Variants in PRRC1 observed in about 807,000 individuals in gnomAD.
PRRC1 encodes protein PRRC1.
PRRC1 carries 39 observed loss-of-function variants against 40.7 expected under a neutral mutation model. The observed-to-expected ratio is 0.96, with a 90% confidence interval of 0.74 to 1.25. PRRC1 has a LOEUF of 1.25. Among genes scored for constraint, PRRC1 ranks in the 50% most tolerant of loss-of-function variants. PRRC1 has a pLI of 0.00. For synonymous variants in PRRC1, 175 were observed against 193.3 expected, an observed-to-expected ratio of 0.91 and a Z score of 0.79; for missense variants, 573 against 548.3, an observed-to-expected ratio of 1.05 and a Z score of -0.45.
chr5:127,548,684 A>G (rs944410319), intron 8 of PRRC1: 7 of 152,076 alleles, frequency 4.6e-5, no homozygotes, highest in African/African-American at 1.4e-4. Context: ...AATCTAAGAA[A>G]ACTATTGGGC....
chr5:127,551,831 G>A lies in PRRC1; in HGVS notation c.1253G>A (p.Gly418Glu), dbSNP rs374916064. The A allele has an allele frequency of 1.5e-5, 24 of 1,614,066 alleles. No homozygotes were observed. The highest frequency in any genetic ancestry group is 1.3e-4 in the East Asian group (6 of 44,872). ...ACTGATTGGCACATGGCATTTACTG[G>A]GATGTCCCGTCGGCAGATGATCTAC... ...SRTDWHMAFT[G>E]MSRRQMIYSA... The change falls in exon 9 of 9, where the codon GGG (glycine) becomes GAG (glutamate). Residue 418 changes from glycine to glutamate, a missense_variant. Coordinates refer to ENST00000296666, the MANE Select transcript of PRRC1 (RefSeq NM_130809.5).
intron 8 of PRRC1, 190 bp downstream of exon 8, chr5:127,548,111 T>C: frequency 1.6e-6 from 1 of 637,154 alleles, no homozygotes; most frequent in Non-Finnish European, 2.8e-6. Context: ...CTTCCTCCTT[T>C]TGTTTTCCAG....
intron 4 of PRRC1, among the ~76,000 whole-genome samples, chr5:127,529,891 A>C (rs1172074333): frequency 6.6e-6 from 1 of 152,084 alleles, no homozygotes; most frequent in African/African-American, 2.4e-5. Flanking sequence ...ATTAGGGAAC[A>C]AGTATGGACT....
At chr5:127,531,974 A>G (rs1208519165) in intron 5 of PRRC1, among the ~76,000 whole-genome samples, 3 of 152,206 alleles carry the variant, frequency 2.0e-5, no homozygotes, top group Admixed American at 6.5e-5. Context: ...AATTTCTATT[A>G]TTAGCAAATG....
Position 127,551,926 on chromosome 5 carries a change from T to A in PRRC1, c.*10T>A. 2 of 1,613,728 alleles carry A rather than the reference T, an allele frequency of 1.2e-6. No homozygotes were observed. The highest frequency in any genetic ancestry group is 1.7e-6 in the Non-Finnish European group (2 of 1,179,742). On this transcript the variant is annotated 3_prime_UTR_variant, in exon 9 of 9. Transcript: ENST00000296666. ...ACCCAGGACAGTGTGAGAGGAGACC[T>A]ACCTGGGAGACTGAGACTTTCCCCC...
chr5:127,539,280 A>C, intron 7 of PRRC1, 137 bp downstream of exon 7: 1 of 614,366 alleles, frequency 1.6e-6, no homozygotes, highest in South Asian at 2.0e-5. Flanking sequence ...TCACTTAACT[A>C]GCTGTGTGTC....
intron 6 of PRRC1, among the ~76,000 whole-genome samples, chr5:127,538,040 G>A (rs1056926499): frequency 6.6e-6 from 1 of 151,902 alleles, no homozygotes. Context: ...GTTAGGCACT[G>A]TGCTGGAAAC....
chr5:127,520,238 T>C (rs894202226), intron 1 of PRRC1, among the ~76,000 whole-genome samples: 2 of 152,204 alleles, frequency 1.3e-5, no homozygotes, highest in African/African-American at 4.8e-5. Context: ...AAGTGACCCC[T>C]TGGGGGCATA....
intron 7 of PRRC1, among the ~76,000 whole-genome samples, chr5:127,546,173 T>G (rs2127115200): frequency 6.6e-6 from 1 of 152,298 alleles, no homozygotes; most frequent in South Asian, 2.1e-4. Flanking sequence ...TCTATTCACC[T>G]GTCTTCAGGT....
chr5:127,542,446 G>A (rs1300801092), intron 7 of PRRC1, among the ~76,000 whole-genome samples: 7 of 151,986 alleles, frequency 4.6e-5, no homozygotes, highest in Non-Finnish European at 7.4e-5. Context: ...TTTCTGTCTC[G>A]TTGATCTGTC....
At chr5:127,534,665 G>C (rs1476315880) in intron 6 of PRRC1, among the ~76,000 whole-genome samples, 4 of 151,884 alleles carry the variant, frequency 2.6e-5, no homozygotes. Context: ...TCTTCTGACG[G>C]TCACCTTCTC....
chr5:127,525,649 A>G (rs1231745801), intron 3 of PRRC1, among the ~76,000 whole-genome samples: 1 of 152,132 alleles, frequency 6.6e-6, no homozygotes, highest in African/African-American at 2.4e-5. Flanking sequence ...TCTCTGCATT[A>G]ATGTTCTTCT....
At chr5:127,525,453 T>C (rs1174196490) in intron 3 of PRRC1, among the ~76,000 whole-genome samples, 1 of 152,256 alleles carries the variant, frequency 6.6e-6, no homozygotes, top group Non-Finnish European at 1.5e-5. Context: ...TTTCCACTTT[T>C]TGGCTATTTA....
chr5:127,543,774 C>A (rs1438255708), intron 7 of PRRC1, among the ~76,000 whole-genome samples: 2 of 152,184 alleles, frequency 1.3e-5, no homozygotes, highest in African/African-American at 4.8e-5. Context: ...ATACATTCGT[C>A]TAAATTTTTT....
At chr5:127,533,569 A>G (rs969591509) in intron 5 of PRRC1, 54 bp from the exon 6 acceptor site, 1 of 1,468,862 alleles carries the variant, frequency 6.8e-7, no homozygotes, top group Non-Finnish European at 9.4e-7. Flanking sequence ...GGTAGTAATT[A>G]TGAGAATTTC....
rs1311403095 is a variant in PRRC1 at position 127,524,575 on chromosome 5, T to A, written c.148T>A (p.Ser50Thr). 1 of 1,613,678 alleles carries A rather than the reference T, an allele frequency of 6.2e-7. No individual in the cohort carries two copies. Among genetic ancestry groups the A allele is most frequent in the Admixed American group, 1.7e-5 (1 of 59,992 alleles). The change falls in exon 3 of 9, where the codon TCC becomes ACC. Residue 50 changes from serine (S) to threonine (T), a missense_variant. Transcript: ENST00000296666. ...TTCTCCAAATGTATCCTCCATGGAG[T>A]CCTTCCCACCACTCGCATACTCTAC... Reference protein sequence around the residue: ...FSSPNVSSMESFPPLAYSTPQ... With the variant: ...FSSPNVSSMETFPPLAYSTPQ...
intron 7 of PRRC1, among the ~76,000 whole-genome samples, chr5:127,546,185 C>T (rs1014439134): frequency 6.6e-6 from 1 of 152,166 alleles, no homozygotes; most frequent in African/African-American, 2.4e-5. Flanking sequence ...TCTTCAGGTT[C>T]ACTAATCCTG....
At chr5:127,524,412 T>C in intron 2 of PRRC1, 119 bp from the exon 3 acceptor site, 1 of 884,150 alleles carries the variant, frequency 1.1e-6, no homozygotes, top group Non-Finnish European at 1.7e-6. Flanking sequence ...TTTAAAATAA[T>C]TCTTGGGATA....
Position 127,551,953 on chromosome 5 carries a change from C to G in PRRC1, c.*37C>G. 6.2e-7 allele frequency: 1 copy of G among 1,611,598 alleles called. No homozygotes were observed. Among genetic ancestry groups the G allele is most frequent in the Non-Finnish European group, 8.5e-7 (1 of 1,178,428 alleles). ...CCTGGGAGACTGAGACTTTCCCCCA[C>G]TTTTAGCTTGATGTTAAAGAAGTGG... On this transcript the variant is annotated 3_prime_UTR_variant, in exon 9 of 9. Transcript: ENST00000296666.
Sources: allele counts gnomAD v4.1 joint callset (sites outside exome capture counted in the v4.1 genomes callset), GRCh38; gene constraint gnomAD v4.1.1; transcripts MANE v1.5; gene names NCBI Gene and HGNC (gene_info 2026-07-23, HGNC 2026-07-21).